The following DOCK7 variants were observed in gnomAD, a reference collection of about 807,000 sequenced individuals.
The protein encoded by DOCK7 is dedicator of cytokinesis 7.
A neutral mutation model predicts 271.0 loss-of-function variants in DOCK7; 138 were observed. The observed-to-expected ratio is 0.51, with a 90% CI of 0.44 to 0.59. The LOEUF (loss-of-function observed/expected upper bound fraction) is 0.59, where lower values mean the gene tolerates loss of function less well. DOCK7 is among the 20% of genes least tolerant of loss of function. DOCK7 has a pLI of 0.00. For synonymous variants in DOCK7, 823 were observed against 876.1 expected (o/e 0.94, Z 1.07); for missense variants, 2,066 against 2,592.4 (o/e 0.80, Z 4.41).
intron 31 of DOCK7, among the ~76,000 whole-genome samples, chr1:62,514,677 T>A (rs1388375189): frequency 6.6e-6 from 1 of 151,940 alleles, no homozygotes; most frequent in Non-Finnish European, 1.5e-5. Context: ...TGGCAAAAAA[T>A]AAAATTTGAA....
intron 23 of DOCK7, among the ~76,000 whole-genome samples, chr1:62,544,048 T>C (rs1427119521): frequency 1.3e-5 from 2 of 152,152 alleles, no homozygotes; most frequent in African/African-American, 4.8e-5. Flanking sequence ...TACATGCACA[T>C]ATCTAGTAAA....
chr1:62,528,951 T>G (rs1342499048), intron 30 of DOCK7, among the ~76,000 whole-genome samples: 1 of 152,152 alleles, frequency 6.6e-6, no homozygotes, highest in African/African-American at 2.4e-5. Flanking sequence ...AAGTCAAAAC[T>G]GAGGTGGTAA....
At chr1:62,533,766 C>G (rs529595436) in intron 29 of DOCK7, among the ~76,000 whole-genome samples, 11 of 152,334 alleles carry the variant, frequency 7.2e-5, no homozygotes, top group Middle Eastern at 3.4e-3. Flanking sequence ...CCCTGACATA[C>G]TGCTAAGAAC....
intron 48 of DOCK7, chr1:62,457,980 G>A (rs1027778900): frequency 4.5e-5 from 13 of 288,654 alleles, no homozygotes; most frequent in African/African-American, 8.6e-5. Flanking sequence ...GCAAAACCTC[G>A]TCTCTACAAA....
intron 1 of DOCK7, among the ~76,000 whole-genome samples, chr1:62,667,088 T>C (rs893534004): frequency 6.6e-6 from 1 of 152,176 alleles, no homozygotes; most frequent in African/African-American, 2.4e-5. Flanking sequence ...ACTCCTACTT[T>C]CAGACACCCT....
intron 12 of DOCK7, among the ~76,000 whole-genome samples, chr1:62,620,716 T>C (rs1205379262): frequency 6.6e-6 from 1 of 150,676 alleles, no homozygotes; most frequent in Non-Finnish European, 1.5e-5. Flanking sequence ...CTGTCTCTAC[T>C]AAAAAATACA....
chr1:62,607,229 TTACTGC>T (rs777234387), intron 14 of DOCK7, among the ~76,000 whole-genome samples: 2 of 151,916 alleles, frequency 1.3e-5, no homozygotes, highest in Admixed American at 6.6e-5. Flanking sequence ...CCCCAGCCCC[TTACTGC>T]TACTGCTATC....
At chr1:62,669,954 G>C (rs1299684818) in intron 1 of DOCK7, among the ~76,000 whole-genome samples, 1 of 152,248 alleles carries the variant, frequency 6.6e-6, no homozygotes, top group South Asian at 2.1e-4. Flanking sequence ...TTCCGGGTGG[G>C]CGTGGGCTTG....
chr1:62,586,638 A>G lies in DOCK7; in HGVS notation c.1683-14T>C, dbSNP rs766371713. ...TAGAGAAGATTTCTGTGAAAGCAAC[A>G]GTATAGATGATAGTAAATACATATC... On this transcript the variant is annotated splice_polypyrimidine_tract_variant and intron_variant, in intron 14 of 49. Coordinates refer to ENST00000635253, the MANE Select transcript of DOCK7 (RefSeq NM_001367561.1). 2.4e-5 allele frequency: 36 copies of G among 1,481,264 alleles called. No homozygotes were observed. Among genetic ancestry groups the G allele is most frequent in the Non-Finnish European group, 3.2e-5 (34 of 1,067,802 alleles). 91.8% of individuals were successfully genotyped at this position (1,481,264 alleles called of 1,614,324 possible). A position where few individuals can be genotyped will look rare whatever the true frequency, so the allele number is the denominator to read the frequency against.
chr1:62,596,894 C>T (rs1039812355), intron 14 of DOCK7, among the ~76,000 whole-genome samples: 6 of 151,954 alleles, frequency 3.9e-5, no homozygotes, highest in East Asian at 1.9e-4. Context: ...TCTTTAATGA[C>T]ACTTACTATA....
intron 17 of DOCK7, 110 bp downstream of exon 17, chr1:62,578,717 CA>C (rs33969170): frequency 0.047 from 14,381 of 307,852 alleles, no homozygotes; most frequent in Middle Eastern, 0.074. Context: ...GACTCTGTCT[CA>C]AAAAAAAAAA....
At chr1:62,661,352 G>T (rs1308534481) in intron 2 of DOCK7, among the ~76,000 whole-genome samples, 1 of 151,994 alleles carries the variant, frequency 6.6e-6, no homozygotes, top group Non-Finnish European at 1.5e-5. Context: ...GATAAATAGT[G>T]GTGATGGTTG....
intron 14 of DOCK7, chr1:62,603,976 T>C: frequency 6.2e-7 from 1 of 1,612,862 alleles, no homozygotes; most frequent in Non-Finnish European, 8.5e-7. Context: ...CAGGAGAATT[T>C]TGGTTGGGCC....
chr1:62,532,876 A>T (rs1472695562), intron 29 of DOCK7, among the ~76,000 whole-genome samples: 1 of 152,162 alleles, frequency 6.6e-6, no homozygotes, highest in Non-Finnish European at 1.5e-5. Flanking sequence ...GGAGGAAGAG[A>T]GTGGCAGGAG....
chr1:62,636,112 C>T (rs1039504513), intron 8 of DOCK7, among the ~76,000 whole-genome samples: 24 of 152,158 alleles, frequency 1.6e-4, no homozygotes, highest in Middle Eastern at 3.4e-3. Context: ...GTTAGCTGGG[C>T]GTAGTGGCGG....
At chr1:62,539,699 A>G (rs1645462119) in intron 26 of DOCK7, 41 bp from the exon 27 acceptor site, 1 of 1,611,032 alleles carries the variant, frequency 6.2e-7, no homozygotes, top group African/African-American at 1.3e-5. Context: ...TTAAAGTATG[A>G]TAGCTTAATC....
chr1:62,628,192 C>T (rs1488622667), intron 11 of DOCK7: 1 of 152,264 alleles, frequency 6.6e-6, no homozygotes, highest in Non-Finnish European at 1.5e-5. Context: ...CATGCTCCTA[C>T]CAGAATCTAA....
At chr1:62,510,191 G>A (rs1008957145) in intron 34 of DOCK7, among the ~76,000 whole-genome samples, 2 of 152,092 alleles carry the variant, frequency 1.3e-5, no homozygotes, top group African/African-American at 4.8e-5. Flanking sequence ...CAGAAGACCT[G>A]TATTGTTTTG....
At position 62,496,387 on chromosome 1, in the gene DOCK7, T is replaced by C. The variant is rs776031485; in HGVS notation, c.4875A>G (p.Thr1625=). 1 of 1,613,620 alleles carries C rather than the reference T, an allele frequency of 6.2e-7. No homozygotes were observed. Among genetic ancestry groups the C allele is most frequent in the South Asian group, 1.1e-5 (1 of 91,048 alleles). Residue 1625 remains threonine, a synonymous_variant, in exon 38 of 50, where the codon ACA becomes ACG. Transcript: ENST00000635253. ...FLRRSLKTIL[T]YAEEDLELRE... ...TCAATTCCAGATCTTCTTCAGCATA[T>C]GTCAATATAGTCTTTAGAGAACGTC... is the stretch of plus-strand genomic sequence containing the variant.
Sources: allele counts gnomAD v4.1 joint callset (sites outside exome capture counted in the v4.1 genomes callset), GRCh38; gene constraint gnomAD v4.1.1; transcripts MANE v1.5; gene names NCBI Gene and HGNC (gene_info 2026-07-23, HGNC 2026-07-21).